The following USP38 variants were observed in gnomAD, a reference collection of about 807,000 sequenced individuals.
USP38 encodes the protein ubiquitin carboxyl-terminal hydrolase 38.
A neutral mutation model predicts 94.3 loss-of-function variants in USP38; 49 were observed. The observed-to-expected ratio is 0.52, with a 90% CI of 0.41 to 0.66. USP38 has a LOEUF of 0.66. Among genes scored for constraint, USP38 ranks in the 30% least tolerant of loss-of-function variants. The pLI is 0.00. For synonymous variants in USP38, 468 were observed against 463.6 expected (o/e 1.01, Z -0.12); for missense variants, 1,128 against 1,229.4 (o/e 0.92, Z 1.23).
intron 3 of USP38, among the ~76,000 whole-genome samples, chr4:143,197,312 A>G (rs772020391): frequency 6.6e-6 from 1 of 152,148 alleles, no homozygotes; most frequent in Non-Finnish European, 1.5e-5. Context: ...AAAACAGCAG[A>G]TTTTTTTGCT....
Position 143,213,770 on chromosome 4 carries a change from AC to A in USP38, c.1795del (p.Arg599ValfsTer3). On this transcript the variant is annotated frameshift_variant, in exon 9 of 10. Coordinates refer to ENST00000307017, the MANE Select transcript of USP38 (RefSeq NM_032557.6). LOFTEE classifies it high-confidence loss of function. Reference sequence around the variant, plus strand: ...TTGGAGGAAAACTACGAACTCACATACGTTGTTTGAACTGCAGGAGTACCTC... The same window carrying A: ...TTGGAGGAAAACTACGAACTCACATAGTTGTTTGAACTGCAGGAGTACCTC... ...MFGGKLRTHI[R>X]CLNCRSTSQK... is the part of the protein sequence containing the mutation. 4 of 1,613,812 alleles carry A rather than the reference AC, an allele frequency of 2.5e-6. No homozygotes were observed. The highest frequency in any genetic ancestry group is 3.4e-6 in the Non-Finnish European group (4 of 1,179,826).
At position 143,197,942 on chromosome 4, in the gene USP38, C is replaced by T. The variant is rs375796770; in HGVS notation, c.1050+18C>T. 2 of 1,549,586 alleles carry T rather than the reference C, an allele frequency of 1.3e-6. No homozygotes were observed. Among genetic ancestry groups the T allele is most frequent in the African/African-American group, 1.4e-5 (1 of 72,516 alleles). ...TCCATTTGGTAAGTTATGACATAAACGTTCTACTTTGAAAAAGCCTCAATT... is the reference window on the plus strand; with the variant it reads ...TCCATTTGGTAAGTTATGACATAAATGTTCTACTTTGAAAAAGCCTCAATT... On this transcript the variant is annotated intron_variant, in intron 4 of 9. Transcript: ENST00000307017.
At chr4:143,202,075 A>G (rs1330167754) in intron 4 of USP38, among the ~76,000 whole-genome samples, 1 of 152,016 alleles carries the variant, frequency 6.6e-6, no homozygotes, top group East Asian at 1.9e-4. Flanking sequence ...CACCTTTGAG[A>G]AAACAAAATA....
chr4:143,186,262 A>C, intron 1 of USP38, 130 bp downstream of exon 1: 1 of 895,634 alleles, frequency 1.1e-6, no homozygotes, highest in South Asian at 1.7e-5. Flanking sequence ...CTAATACCTC[A>C]TCCCAAATTT....
chr4:143,193,702 A>T (rs1351755729), intron 2 of USP38, among the ~76,000 whole-genome samples: 1 of 152,248 alleles, frequency 6.6e-6, no homozygotes, highest in African/African-American at 2.4e-5. Context: ...TTTTAATTTT[A>T]AAAGCAAAAA....
intron 9 of USP38, among the ~76,000 whole-genome samples, chr4:143,217,050 G>C (rs1173561160): frequency 6.6e-6 from 1 of 151,904 alleles, no homozygotes; most frequent in Non-Finnish European, 1.5e-5. Flanking sequence ...GGCCTCAAGT[G>C]ATCTGCCCAC....
rs141111758 is a variant in USP38, at chr4:143,210,910, TATACTCAG to T, written c.1497+1257_1497+1264del. On this transcript the variant is annotated intron_variant, in intron 7 of 9. Transcript: ENST00000307017. The stretch of plus-strand genomic sequence containing the variant: ...GATAGTAATGGCCTATGAGTAGTTA[TATACTCAG>T]ATATTTTTATTATTCTTTATCTGGG... Among the ~76,000 whole-genome samples the T allele has an allele frequency of 2.8e-3, 423 of 152,102 alleles. 1 individual carries two copies. The East Asian group carries it at 0.042, about 15-fold the overall frequency.
chr4:143,193,062 C>T (rs1581156715), intron 2 of USP38, among the ~76,000 whole-genome samples: 2 of 152,174 alleles, frequency 1.3e-5, no homozygotes, highest in Admixed American at 6.5e-5. Flanking sequence ...TCTGCTCTGA[C>T]AGTGTGACTT....
At chr4:143,215,630 T>C (rs1415811865) in intron 9 of USP38, 1 of 152,082 alleles carries the variant, frequency 6.6e-6, no homozygotes, top group Admixed American at 6.6e-5. Context: ...CATACAGGGC[T>C]AGCAGTAAAT....
intron 2 of USP38, among the ~76,000 whole-genome samples, chr4:143,194,257 GATTA>G (rs1411576543): frequency 6.6e-6 from 1 of 152,138 alleles, no homozygotes; most frequent in Non-Finnish European, 1.5e-5. Flanking sequence ...CAGTGTTATA[GATTA>G]ATTCATTTAA....
At chr4:143,194,604 TTCA>T (rs1731491242) in intron 2 of USP38, among the ~76,000 whole-genome samples, 1 of 152,000 alleles carries the variant, frequency 6.6e-6, no homozygotes, top group Non-Finnish European at 1.5e-5. Flanking sequence ...GCCTCCCAGG[TTCA>T]AGCCATTCTC....
At chr4:143,193,605 T>C (rs1731461926) in intron 2 of USP38, among the ~76,000 whole-genome samples, 1 of 152,232 alleles carries the variant, frequency 6.6e-6, no homozygotes, top group Admixed American at 6.5e-5. Flanking sequence ...GAAATAAAGT[T>C]TGTGTAGAGA....
intron 2 of USP38, 52 bp downstream of exon 2, chr4:143,188,013 G>T (rs751856843): frequency 2.6e-6 from 4 of 1,516,188 alleles, no homozygotes; most frequent in Admixed American, 4.4e-5. Flanking sequence ...GGAAGAGGAA[G>T]TATTTTGTAT....
intron 3 of USP38, 37 bp downstream of exon 3, chr4:143,195,882 A>T (rs376354901): frequency 2.0e-6 from 3 of 1,536,704 alleles, no homozygotes; most frequent in Non-Finnish European, 2.6e-6. Context: ...GAATATATAG[A>T]CTCATAAAAT....
intron 5 of USP38, among the ~76,000 whole-genome samples, chr4:143,205,219 C>T (rs560489237): frequency 2.5e-4 from 38 of 152,126 alleles, no homozygotes; most frequent in African/African-American, 7.5e-4. Context: ...GCTCTAAGCC[C>T]AAAGAAAGCA....
intron 5 of USP38, among the ~76,000 whole-genome samples, chr4:143,205,295 T>A (rs896375295): frequency 1.3e-5 from 2 of 152,194 alleles, no homozygotes; most frequent in Non-Finnish European, 2.9e-5. Context: ...AATGTTTGTT[T>A]GTTAAGGTCT....
intron 7 of USP38, among the ~76,000 whole-genome samples, chr4:143,210,727 G>C (rs907517297): frequency 3.3e-5 from 5 of 151,714 alleles, no homozygotes; most frequent in Non-Finnish European, 5.9e-5. Flanking sequence ...ATCTCACAGA[G>C]GTCTAAAGGA....
Position 143,203,457 on chromosome 4 carries a change from T to A in USP38, c.1100T>A (p.Leu367Gln). Residue 367 changes from leucine to glutamine, a missense_variant, in exon 5 of 10, where the codon CTG becomes CAG. Leu to Gln is a moderately radical substitution (Grantham distance 113). Transcript: ENST00000307017. ...GTTCATTCTTTCAAAAATGATGGTCTGCCTTCAAGTACAGCCTTCTTAGTA... is the reference window on the plus strand; with the variant it reads ...GTTCATTCTTTCAAAAATGATGGTCAGCCTTCAAGTACAGCCTTCTTAGTA... ...NLVHSFKNDGLPSSTAFLVQL... is the reference protein window; with the variant it reads ...NLVHSFKNDGQPSSTAFLVQL... 1.2e-6 allele frequency: 2 copies of A among 1,613,248 alleles called. No homozygotes were observed. The highest frequency in any genetic ancestry group is 2.2e-5 in the South Asian group (2 of 91,024).
At chr4:143,186,195 C>A in intron 1 of USP38, 63 bp downstream of exon 1, 3 of 1,481,846 alleles carry the variant, frequency 2.0e-6, no homozygotes, top group Non-Finnish European at 2.8e-6. Flanking sequence ...CTTGCACACA[C>A]ACATTCACAC....
Sources: allele counts gnomAD v4.1 joint callset (sites outside exome capture counted in the v4.1 genomes callset), GRCh38; gene constraint gnomAD v4.1.1; transcripts MANE v1.5; gene names NCBI Gene and HGNC (gene_info 2026-07-23, HGNC 2026-07-21).